The following CGRRF1 variants were observed in gnomAD, a reference collection of about 807,000 sequenced individuals.
The protein encoded by CGRRF1 is cell growth regulator with RING finger domain protein 1.
CGRRF1 carries 32 observed loss-of-function variants against 37.2 expected under a neutral mutation model. That is an observed-to-expected ratio of 0.86 (90% CI 0.65 to 1.16). The LOEUF is 1.16. CGRRF1 is among the 50% of genes most tolerant of loss of function. The pLI is 0.00. For missense variants in CGRRF1, 391 were observed against 382.6 expected (o/e 1.02, Z -0.18); for synonymous variants, 141 against 140.3 (o/e 1.00, Z -0.04).
chr14:54,527,411 T>C (rs1425949349), intron 2 of CGRRF1, among the ~76,000 whole-genome samples: 1 of 152,130 alleles, frequency 6.6e-6, no homozygotes, highest in East Asian at 1.9e-4. Context: ...TGTATACATA[T>C]GTAGCAAACC....
chr14:54,529,908 G>T (rs2032478951), intron 2 of CGRRF1, 141 bp from the exon 3 acceptor site: 1 of 547,814 alleles, frequency 1.8e-6, no homozygotes, highest in East Asian at 2.9e-5. Flanking sequence ...TTCGTTTATA[G>T]GAGGCATACC....
At chr14:54,532,680 G>T (rs2032535211) in intron 4 of CGRRF1, among the ~76,000 whole-genome samples, 1 of 150,106 alleles carries the variant, frequency 6.7e-6, no homozygotes, top group Non-Finnish European at 1.5e-5. Flanking sequence ...TATAATAGGG[G>T]TTCAATAAAG....
In CGRRF1 at chr14:54,538,238, T is replaced by C. The variant is rs769259436; in HGVS notation, c.854T>C (p.Val285Ala). The C allele has an allele frequency of 6.2e-7, 1 of 1,614,182 alleles. No homozygotes were observed. Among genetic ancestry groups the C allele is most frequent in the Admixed American group, 1.7e-5 (1 of 60,016 alleles). The change falls in exon 6 of 6, where the codon GTA becomes GCA. Residue 285 changes from valine (V) to alanine (A), a missense_variant. Physicochemically the swap from Val to Ala is moderately conservative, Grantham distance 64. Coordinates refer to ENST00000216420, the MANE Select transcript of CGRRF1 (RefSeq NM_006568.3). Reference sequence around the variant, plus strand: ...TGCCAGAATGGGACTGTGAACTGGGTACTCTTACCATGCAGACACACATGC... The same window carrying C: ...TGCCAGAATGGGACTGTGAACTGGGCACTCTTACCATGCAGACACACATGC... ...VVCQNGTVNW[V>A]LLPCRHTCLC...
intron 2 of CGRRF1, among the ~76,000 whole-genome samples, chr14:54,527,496 A>G (rs1299834367): frequency 6.6e-6 from 1 of 152,168 alleles, no homozygotes; most frequent in African/African-American, 2.4e-5. Flanking sequence ...TATGGAGAGT[A>G]TAATTTTATA....
At position 54,538,112 on chromosome 14, in the gene CGRRF1, C is replaced by T. The variant is rs776054403; in HGVS notation, c.728C>T (p.Ser243Phe). 1 of 1,613,974 alleles carries T rather than the reference C, an allele frequency of 6.2e-7. No individual in the cohort carries two copies. The highest frequency in any genetic ancestry group is 1.7e-5 in the Admixed American group (1 of 59,992). ...NNNFTPSNNSSSEEKNTDRSL... is the reference protein window; with the variant it reads ...NNNFTPSNNSFSEEKNTDRSL... ...AATTTCACTCCCTCCAACAATTCCT[C>T]TTCAGAAGAAAAAAACACAGACAGA... The change falls in exon 6 of 6, where the codon TCT becomes TTT. Residue 243 changes from serine (S) to phenylalanine (F), a missense_variant. Physicochemically the swap from Ser to Phe is radical, Grantham distance 155. Transcript: ENST00000216420.
In CGRRF1 at chr14:54,513,020, A is replaced by G. The variant is rs78247673; in HGVS notation, c.104+2957A>G. On this transcript the variant is annotated intron_variant, in intron 1 of 5. Coordinates refer to ENST00000216420, the MANE Select transcript of CGRRF1 (RefSeq NM_006568.3). ...TCAACATATGGTTAACATTTTTCATATGAAAATTTCTCTTGATGTTGATGC... is the reference window on the plus strand; with the variant it reads ...TCAACATATGGTTAACATTTTTCATGTGAAAATTTCTCTTGATGTTGATGC... 6.9e-3 allele frequency among the ~76,000 whole-genome samples: 1,050 copies of G among 152,272 alleles called. 11 individuals carry two copies. The highest frequency in any genetic ancestry group is 0.024 in the African/African-American group (977 of 41,546).
chr14:54,522,701 T>C lies in CGRRF1; in HGVS notation c.244+108T>C, dbSNP rs551998169. The C allele has an allele frequency of 1.4e-4, 148 of 1,062,472 alleles. 1 individual carries two copies. In the South Asian group the frequency reaches 2.3e-3, roughly 16 times the overall value. The allele number at this position is 1,062,472 out of a possible 1,614,324, so 65.8% of individuals were successfully genotyped here. On this transcript the variant is annotated intron_variant, in intron 2 of 5. Transcript: ENST00000216420. ...CCTTCATTAGACTTTTAACAAACATTTGTTGGGCAACTATGTTGTTCCAGG... is the reference window on the plus strand; with the variant it reads ...CCTTCATTAGACTTTTAACAAACATCTGTTGGGCAACTATGTTGTTCCAGG...
intron 2 of CGRRF1, among the ~76,000 whole-genome samples, chr14:54,528,361 T>G (rs2032449548): frequency 6.6e-6 from 1 of 152,110 alleles, no homozygotes; most frequent in South Asian, 2.1e-4. Flanking sequence ...ATTTATTCAT[T>G]TAATCCGCAT....
At chr14:54,534,174 G>A (rs1239718008) in intron 4 of CGRRF1, among the ~76,000 whole-genome samples, 1 of 152,016 alleles carries the variant, frequency 6.6e-6, no homozygotes, top group Admixed American at 6.5e-5. Flanking sequence ...GCCCAGGCTG[G>A]TGTGCAGTGG....
chr14:54,520,349 G>A (rs1199018210), intron 1 of CGRRF1, among the ~76,000 whole-genome samples: 2 of 151,994 alleles, frequency 1.3e-5, no homozygotes, highest in African/African-American at 2.4e-5. Flanking sequence ...TAATCAGGAC[G>A]GTCTCGATCT....
chr14:54,529,890 C>T (rs551817320), intron 2 of CGRRF1, among the ~76,000 whole-genome samples, 159 bp from the exon 3 acceptor site: 1 of 152,242 alleles, frequency 6.6e-6, no homozygotes, highest in South Asian at 2.1e-4. Context: ...GTTACAGAGG[C>T]CAGTTCCTTC....
In CGRRF1 at chr14:54,532,259, C is replaced by G. The variant is rs1017555598; in HGVS notation, c.570+1209C>G. 2.0e-5 allele frequency among the ~76,000 whole-genome samples: 3 copies of G among 152,006 alleles called. No individual in the cohort carries two copies. The South Asian group carries it at 6.2e-4, about 32-fold the overall frequency. On this transcript the variant is annotated intron_variant, in intron 4 of 5. Coordinates refer to ENST00000216420, the MANE Select transcript of CGRRF1 (RefSeq NM_006568.3). ...CTTCTTACTCATTTGCAGTTAAGCA[C>G]CTAGGTTTTTGGTTTTTAATATTTT...
chr14:54,517,594 T>C (rs1245365613), intron 1 of CGRRF1, among the ~76,000 whole-genome samples: 1 of 152,162 alleles, frequency 6.6e-6, no homozygotes, highest in African/African-American at 2.4e-5. Flanking sequence ...ATTATTATTA[T>C]TTTTAGTTGA....
chr14:54,522,532 G>A lies in CGRRF1; in HGVS notation c.183G>A (p.Met61Ile). ...QFSTRVFKKQ[M>I]RQVKNPFGLE... ...GCACAAGAGTTTTCAAAAAGCAAAT[G>A]AGACAAGTCAAGAATCCTTTTGGCT... is the stretch of plus-strand genomic sequence containing the variant. The change falls in exon 2 of 6, where the codon ATG becomes ATA. Residue 61 changes from methionine to isoleucine, a missense_variant. Coordinates refer to ENST00000216420, the MANE Select transcript of CGRRF1 (RefSeq NM_006568.3). The A allele has an allele frequency of 6.2e-7, 1 of 1,608,452 alleles. No individual in the cohort carries two copies. Among genetic ancestry groups the A allele is most frequent in the African/African-American group, 1.3e-5 (1 of 74,682 alleles).
chr14:54,512,210 T>G (rs1197206672), intron 1 of CGRRF1, among the ~76,000 whole-genome samples: 2 of 152,232 alleles, frequency 1.3e-5, no homozygotes, highest in African/African-American at 2.4e-5. Flanking sequence ...CCCTTGGTAC[T>G]TCTCTGAGTT....
chr14:54,515,299 G>A (rs1251979947), intron 1 of CGRRF1, among the ~76,000 whole-genome samples: 1 of 151,408 alleles, frequency 6.6e-6, no homozygotes, highest in African/African-American at 2.4e-5. Context: ...TCATCATGTT[G>A]GCCAGGATGG....
chr14:54,538,422 A>G lies in CGRRF1; in HGVS notation c.*39A>G, dbSNP rs1566514961. ...CTGAAAAGTACACTTTCTACTAAAG[A>G]TGCAGAAATTGATGATCTTGGAATT... On this transcript the variant is annotated 3_prime_UTR_variant, in exon 6 of 6. Coordinates refer to ENST00000216420, the MANE Select transcript of CGRRF1 (RefSeq NM_006568.3). 7.0e-7 allele frequency: 1 copy of G among 1,424,394 alleles called. No individual in the cohort carries two copies. The highest frequency in any genetic ancestry group is 9.7e-7 in the Non-Finnish European group (1 of 1,033,288). The allele number at this position is 1,424,394 out of a possible 1,614,324, so 88.2% of individuals were successfully genotyped here.
At chr14:54,522,325 T>C (rs1409330742) in intron 1 of CGRRF1, 129 bp from the exon 2 acceptor site, 5 of 619,756 alleles carry the variant, frequency 8.1e-6, no homozygotes, top group Non-Finnish European at 1.3e-5. Flanking sequence ...ATAACGTAAA[T>C]TGAGAAATTT....
chr14:54,537,863 T>A, intron 5 of CGRRF1, 34 bp downstream of exon 5: 1 of 1,572,336 alleles, frequency 6.4e-7, no homozygotes. Context: ...TCTCTGTCTC[T>A]TTTGTTTACA....
Sources: allele counts gnomAD v4.1 joint callset (sites outside exome capture counted in the v4.1 genomes callset), GRCh38; gene constraint gnomAD v4.1.1; transcripts MANE v1.5; gene names NCBI Gene and HGNC (gene_info 2026-07-23, HGNC 2026-07-21).